The following TTC29 variants were observed in gnomAD, a reference collection of about 807,000 sequenced individuals.
TTC29 encodes the protein tetratricopeptide repeat domain 29, also known as tetratricopeptide repeat protein 29.
TTC29 carries 49 observed loss-of-function variants against 58.1 expected under a neutral mutation model. The ratio of observed to expected loss-of-function variants is 0.84; its 90% CI spans 0.67 to 1.07. The LOEUF is 1.07. TTC29 is among the 50% of genes least tolerant of loss of function. The probability of loss-of-function intolerance (pLI) is 0.00; values close to 1 mark genes in which losing one functional copy is unlikely to be tolerated. For synonymous variants in TTC29, 209 were observed against 196.8 expected (o/e 1.06, Z -0.52); for missense variants, 582 against 555.6 (o/e 1.05, Z -0.48).
chr4:146,734,625 G>T (rs1744589353), intron 11 of TTC29, among the ~76,000 whole-genome samples: 1 of 152,078 alleles, frequency 6.6e-6, no homozygotes, highest in Non-Finnish European at 1.5e-5. Flanking sequence ...CAGGTAGATA[G>T]TTTTGGAGTT....
chr4:146,786,310 C>T (rs1749010662), intron 11 of TTC29, among the ~76,000 whole-genome samples: 1 of 152,202 alleles, frequency 6.6e-6, no homozygotes, highest in South Asian at 2.1e-4. Flanking sequence ...CCAGGCAACA[C>T]TTTGGGTAAT....
Position 146,707,111 on chromosome 4 carries a change from T to A in TTC29, c.*47A>T. 6.9e-7 allele frequency: 1 copy of A among 1,441,638 alleles called. No homozygotes were observed. The highest frequency in any genetic ancestry group is 9.4e-7 in the Non-Finnish European group (1 of 1,069,162). The allele number at this position is 1,441,638 out of a possible 1,614,324, so 89.3% of individuals were successfully genotyped here. A position where few individuals can be genotyped will look rare whatever the true frequency, so the allele number is the denominator to read the frequency against. Reference sequence around the variant, plus strand: ...CTATTACAAGTATTGAAGTCTAAGGTGACATGATGGATTTCTTCTTGCTTT... The same window carrying A: ...CTATTACAAGTATTGAAGTCTAAGGAGACATGATGGATTTCTTCTTGCTTT... On this transcript the variant is annotated 3_prime_UTR_variant, in exon 13 of 13. Coordinates refer to ENST00000325106, the MANE Select transcript of TTC29 (RefSeq NM_031956.4).
At chr4:146,921,660 A>T (rs1734588967) in intron 4 of TTC29, among the ~76,000 whole-genome samples, 1 of 151,274 alleles carries the variant, frequency 6.6e-6, no homozygotes, top group African/African-American at 2.4e-5. Context: ...AATATAGCTT[A>T]AAAATACATA....
chr4:146,860,437 G>A (rs1730152808), intron 8 of TTC29, among the ~76,000 whole-genome samples: 3 of 151,974 alleles, frequency 2.0e-5, no homozygotes, highest in African/African-American at 7.3e-5. Context: ...TATTTTTTCT[G>A]ATACAGTAGC....
intron 9 of TTC29, among the ~76,000 whole-genome samples, chr4:146,828,323 A>G (rs973640430): frequency 6.6e-6 from 1 of 152,132 alleles, no homozygotes; most frequent in Non-Finnish European, 1.5e-5. Flanking sequence ...AAAATACATT[A>G]TTTAGAATTT....
intron 7 of TTC29, 72 bp downstream of exon 7, chr4:146,874,644 T>C: frequency 8.1e-7 from 1 of 1,241,766 alleles, no homozygotes; most frequent in Non-Finnish European, 1.1e-6. Context: ...TTGACGATTT[T>C]TACTTCACTC....
rs778611434 is a variant in TTC29, at chr4:146,803,719, C to T, written c.1102-34G>A. Reference sequence around the variant, plus strand: ...GTAAGAGAAATAATTTTCTTTCTTACTTTTAATGTCACCATTTCACATATT... The same window carrying T: ...GTAAGAGAAATAATTTTCTTTCTTATTTTTAATGTCACCATTTCACATATT... On this transcript the variant is annotated intron_variant, in intron 10 of 12. Transcript: ENST00000325106. 4 of 1,476,666 alleles carry T rather than the reference C, an allele frequency of 2.7e-6. No homozygotes were observed. The Admixed American group carries it at 6.3e-5, about 23-fold the overall frequency. 91.5% of individuals were successfully genotyped at this position (1,476,666 alleles called of 1,614,324 possible).
At position 146,913,694 on chromosome 4, in the gene TTC29, G is replaced by A. The variant is rs573570059; in HGVS notation, c.177-4445C>T. Among the ~76,000 whole-genome samples the A allele has an allele frequency of 1.3e-3, 194 of 152,144 alleles. 1 individual carries two copies. In the South Asian group the frequency reaches 0.02, roughly 16 times the overall value. On this transcript the variant is annotated intron_variant, in intron 4 of 12. Transcript: ENST00000325106. The stretch of plus-strand genomic sequence containing the variant: ...CGTCCATTTGAGAGGGCTGGGTCTG[G>A]TCTTTTTCTTCTGATCTGGGTTCTC...
At chr4:146,808,544 T>C (rs1750782991) in intron 10 of TTC29, among the ~76,000 whole-genome samples, 1 of 152,168 alleles carries the variant, frequency 6.6e-6, no homozygotes, top group African/African-American at 2.4e-5. Context: ...CAGCAAAGTC[T>C]CAGGATACAA....
chr4:146,821,289 T>C (rs895818370), intron 9 of TTC29, among the ~76,000 whole-genome samples: 3 of 152,178 alleles, frequency 2.0e-5, no homozygotes, highest in Admixed American at 2.0e-4. Context: ...CCATGGTTGC[T>C]CAACCCCATG....
intron 10 of TTC29, among the ~76,000 whole-genome samples, chr4:146,812,184 A>T (rs1751068961): frequency 6.6e-6 from 1 of 152,166 alleles, no homozygotes. Flanking sequence ...TATAAAAGAC[A>T]TAGGACAAAA....
chr4:146,867,972 T>C (rs1043017113), intron 7 of TTC29, among the ~76,000 whole-genome samples: 8 of 152,156 alleles, frequency 5.3e-5, no homozygotes, highest in African/African-American at 1.2e-4. Context: ...TCATCTAGCA[T>C]AGTTGCTGCT....
intron 11 of TTC29, among the ~76,000 whole-genome samples, chr4:146,729,623 T>C (rs970885564): frequency 2.6e-5 from 4 of 152,134 alleles, no homozygotes; most frequent in South Asian, 2.1e-4. Context: ...CCTACTGCTA[T>C]AAAGAACTGC....
intron 8 of TTC29, among the ~76,000 whole-genome samples, chr4:146,861,619 A>G (rs1377057845): frequency 6.6e-6 from 1 of 152,200 alleles, no homozygotes; most frequent in Non-Finnish European, 1.5e-5. Flanking sequence ...AGTTTTATTC[A>G]TATGCTTGTC....
intron 8 of TTC29, among the ~76,000 whole-genome samples, chr4:146,856,924 A>G (rs1028103881): frequency 2.0e-5 from 3 of 151,866 alleles, no homozygotes; most frequent in Non-Finnish European, 4.4e-5. Context: ...TAACAAAATT[A>G]TTAGTAAAAC....
chr4:146,752,893 A>C (rs988242288), intron 11 of TTC29, among the ~76,000 whole-genome samples: 10 of 152,228 alleles, frequency 6.6e-5, no homozygotes, highest in African/African-American at 2.4e-4. Context: ...CCTTATACAA[A>C]AATTAATTCA....
intron 8 of TTC29, among the ~76,000 whole-genome samples, chr4:146,839,546 G>C (rs1049342830): frequency 4.0e-5 from 6 of 149,182 alleles, no homozygotes; most frequent in African/African-American, 1.5e-4. Context: ...GTGTGTGTGT[G>C]TGTGTGTGTG....
At position 146,803,678 on chromosome 4, in the gene TTC29, T is replaced by C. The variant is rs1406932193; in HGVS notation, c.1109A>G (p.Tyr370Cys). 1.3e-6 allele frequency: 2 copies of C among 1,579,018 alleles called. No homozygotes were observed. The highest frequency in any genetic ancestry group is 4.5e-5 in the East Asian group (2 of 44,266). Residue 370 changes from tyrosine to cysteine, a missense_variant, in exon 11 of 13, where the codon TAC becomes TGC. By Grantham distance (194) the Tyr-to-Cys change is radical (BLOSUM62 -2). Coordinates refer to ENST00000325106, the MANE Select transcript of TTC29 (RefSeq NM_031956.4). ...CTGAAAGCATTCAGAAGCTTTGTTG[T>C]AGTATCCCTAAAAAGGTAAGAGAAA... The part of the protein sequence containing the change: ...LGDIYNEKGY[Y>C]NKASECFQQA...
intron 11 of TTC29, among the ~76,000 whole-genome samples, chr4:146,775,937 G>C (rs543623173): frequency 1.3e-5 from 2 of 152,016 alleles, no homozygotes; most frequent in Non-Finnish European, 2.9e-5. Context: ...TTCTCAAATG[G>C]TCTCTTTCCA....
Sources: gnomAD v4.1 joint callset for allele counts (sites outside exome capture counted in the v4.1 genomes callset) on GRCh38, gnomAD v4.1.1 for gene constraint, MANE v1.5 for transcripts, NCBI Gene and HGNC (gene_info 2026-07-23, HGNC 2026-07-21) for gene names.